TRHDE: variants seen among roughly 807,000 people sequenced by gnomAD.
TRHDE encodes the protein thyrotropin releasing hormone degrading enzyme.
In TRHDE, 72 loss-of-function variants were observed where a neutral mutation model predicts 125.7. The ratio of observed to expected loss-of-function variants is 0.57; its 90% CI spans 0.47 to 0.70. The LOEUF is 0.70. Ranked by LOEUF, TRHDE falls within the 30% of genes least tolerant of loss-of-function variation. TRHDE has a pLI of 0.00. For synonymous variants in TRHDE, 509 were observed against 509.1 expected, an observed-to-expected ratio of 1.00 and a Z score of 0.00; for missense variants, 1,110 against 1,327.1, an observed-to-expected ratio of 0.84 and a Z score of 2.54.
At chr12:72,131,295 A>G (rs1421817593) in intron 2 of TRHDE, among the ~76,000 whole-genome samples, 1 of 151,784 alleles carries the variant, frequency 6.6e-6, no homozygotes, top group Non-Finnish European at 1.5e-5. Context: ...GATGGTCTCC[A>G]TCTCCTGACC....
At chr12:72,279,400 A>G (rs74103696) in intron 1 of TRHDE, among the ~76,000 whole-genome samples, 4,147 of 152,070 alleles carry the variant, frequency 0.027, 205 homozygotes, top group African/African-American at 0.095. Flanking sequence ...CATCATCACC[A>G]TCATCATCAT....
At chr12:72,323,950 A>G (rs1421885827) in intron 2 of TRHDE, among the ~76,000 whole-genome samples, 1 of 152,118 alleles carries the variant, frequency 6.6e-6, no homozygotes, top group Non-Finnish European at 1.5e-5. Context: ...ATATTTATTG[A>G]AAACCCCAAG....
chr12:72,554,195 C>G (rs1202170045), intron 7 of TRHDE, among the ~76,000 whole-genome samples: 1 of 152,108 alleles, frequency 6.6e-6, no homozygotes, highest in Non-Finnish European at 1.5e-5. Context: ...TTTGGCTTCT[C>G]TTGGAGGGAA....
chr12:72,539,144 C>T (rs935436179), intron 6 of TRHDE, among the ~76,000 whole-genome samples: 3 of 151,888 alleles, frequency 2.0e-5, no homozygotes, highest in South Asian at 2.1e-4. Flanking sequence ...TTTAGACCCT[C>T]GTTATCCTTT....
chr12:72,582,658 T>C, intron 12 of TRHDE: 2 of 962,820 alleles, frequency 2.1e-6, no homozygotes, highest in Non-Finnish European at 2.5e-6. Context: ...AAATGTGTAA[T>C]GTGCTAACGT....
At chr12:72,619,508 A>G (rs1289981434) in intron 13 of TRHDE, among the ~76,000 whole-genome samples, 2 of 152,178 alleles carry the variant, frequency 1.3e-5, no homozygotes, top group African/African-American at 4.8e-5. Flanking sequence ...CCCATTCGTA[A>G]TTGGGTCCAA....
chr12:72,190,561 G>A (rs1321916730), intron 2 of TRHDE, among the ~76,000 whole-genome samples: 1 of 152,162 alleles, frequency 6.6e-6, no homozygotes, highest in Admixed American at 6.5e-5. Context: ...AAGATTGGTG[G>A]TAAGTAAGTA....
chr12:72,185,413 A>G (rs1325926113), intron 2 of TRHDE, among the ~76,000 whole-genome samples: 9 of 152,266 alleles, frequency 5.9e-5, no homozygotes, highest in African/African-American at 1.9e-4. Context: ...TCCACCACCC[A>G]AGGGCTGAGG....
intron 18 of TRHDE, among the ~76,000 whole-genome samples, chr12:72,662,135 T>C (rs1874942700): frequency 6.6e-6 from 1 of 152,192 alleles, no homozygotes; most frequent in South Asian, 2.1e-4. Flanking sequence ...TCCTGGCATA[T>C]CTTCCATGTG....
At chr12:72,310,220 C>T (rs1868476857) in intron 2 of TRHDE, among the ~76,000 whole-genome samples, 1 of 152,122 alleles carries the variant, frequency 6.6e-6, no homozygotes, top group Admixed American at 6.6e-5. Flanking sequence ...TAAAGGGAGA[C>T]AATAATAGTA....
intron 2 of TRHDE, among the ~76,000 whole-genome samples, chr12:72,334,895 G>A (rs556196923): frequency 6.6e-6 from 1 of 152,222 alleles, no homozygotes; most frequent in Non-Finnish European, 1.5e-5. Context: ...GAGTCAGGCA[G>A]GGGGACGGAA....
chr12:72,344,592 G>A (rs1302990491), intron 2 of TRHDE, among the ~76,000 whole-genome samples: 2 of 152,070 alleles, frequency 1.3e-5, no homozygotes, highest in Non-Finnish European at 2.9e-5. Flanking sequence ...ATGCAAGTGG[G>A]CTACATGAGC....
At position 72,283,867 on chromosome 12, in the gene TRHDE, G is replaced by A. The variant is rs1216625518; in HGVS notation, c.915-2814G>A. Among the ~76,000 whole-genome samples, 4 of 151,432 alleles carry A rather than the reference G, an allele frequency of 2.6e-5. No individual in the cohort carries two copies. In the East Asian group the frequency reaches 7.7e-4, roughly 29 times the overall value. On this transcript the variant is annotated intron_variant, in intron 1 of 18. Transcript: ENST00000261180. ...AACTCTTCCCCTAGTATTATTAGGT[G>A]TCCTTTAATTTTCCATGAGGAAATA...
chr12:72,447,011 C>G (rs189109729), intron 3 of TRHDE, among the ~76,000 whole-genome samples: 1 of 151,956 alleles, frequency 6.6e-6, no homozygotes, highest in African/African-American at 2.4e-5. Flanking sequence ...CTGCACCAAG[C>G]GGACCTAATA....
chr12:72,300,904 G>A (rs900342292), intron 2 of TRHDE, among the ~76,000 whole-genome samples: 4 of 152,114 alleles, frequency 2.6e-5, no homozygotes, highest in Non-Finnish European at 4.4e-5. Context: ...TTGCCTGACT[G>A]AGTAGATGGT....
chr12:72,570,973 G>A (rs17111445), intron 10 of TRHDE, among the ~76,000 whole-genome samples: 10,476 of 123,018 alleles, frequency 0.085, 435 homozygotes, highest in Middle Eastern at 0.14. Context: ...TTGCCCATAC[G>A]AAGATAATGT....
chr12:72,151,872 A>G (rs902125230), intron 2 of TRHDE, among the ~76,000 whole-genome samples: 1 of 152,126 alleles, frequency 6.6e-6, no homozygotes, highest in Non-Finnish European at 1.5e-5. Context: ...TTGACTTGGC[A>G]ATGCAGGCTC....
chr12:72,478,089 G>A (rs1876983630), intron 5 of TRHDE, among the ~76,000 whole-genome samples: 1 of 152,144 alleles, frequency 6.6e-6, no homozygotes, highest in Non-Finnish European at 1.5e-5. Context: ...AATTATTAAT[G>A]CAACTGAAGT....
At chr12:72,527,487 G>C (rs1003144244) in intron 6 of TRHDE, among the ~76,000 whole-genome samples, 5 of 151,674 alleles carry the variant, frequency 3.3e-5, no homozygotes, top group African/African-American at 4.8e-5. Context: ...CTGTTTCAGG[G>C]ACCAGAAGAA....
Sources: gnomAD v4.1 joint callset for allele counts (sites outside exome capture counted in the v4.1 genomes callset) on GRCh38, gnomAD v4.1.1 for gene constraint, MANE v1.5 for transcripts, NCBI Gene and HGNC (gene_info 2026-07-23, HGNC 2026-07-21) for gene names.